AUTS2: variants seen among roughly 807,000 people sequenced by gnomAD.
AUTS2 encodes the protein activator of transcription and developmental regulator AUTS2, also known as autism susceptibility gene 2 protein.
A neutral mutation model predicts 112.4 loss-of-function variants in AUTS2; 17 were observed. The observed-to-expected ratio is 0.15, with a 90% CI of 0.10 to 0.23. The LOEUF is 0.23. Ranked by LOEUF, AUTS2 falls within the 10% of genes least tolerant of loss-of-function variation. AUTS2 has a pLI of 1.00. For missense variants in AUTS2, 1,510 were observed against 1,701.6 expected, an observed-to-expected ratio of 0.89 and a Z score of 1.98; for synonymous variants, 751 against 702.7, an observed-to-expected ratio of 1.07 and a Z score of -1.09.
rs967492299 is a variant in AUTS2, at chr7:69,792,795, A to T, written c.310-106491A>T. Reference sequence around the variant, plus strand: ...AAGTGTACATACATTACCAGGCTTCATCAACATGCCCTACTCAGAGACATT... The same window carrying T: ...AAGTGTACATACATTACCAGGCTTCTTCAACATGCCCTACTCAGAGACATT... On this transcript the variant is annotated intron_variant, in intron 1 of 18. Transcript: ENST00000342771. 2.0e-5 allele frequency among the ~76,000 whole-genome samples: 3 copies of T among 152,160 alleles called. No individual in the cohort carries two copies. The East Asian group carries it at 5.8e-4, about 29-fold the overall frequency.
chr7:70,243,592 A>G (rs1365473739), intron 4 of AUTS2, among the ~76,000 whole-genome samples: 1 of 152,142 alleles, frequency 6.6e-6, no homozygotes, highest in African/African-American at 2.4e-5. Flanking sequence ...CAATTGAAAG[A>G]AAGTGATGAG....
chr7:69,786,006 A>G (rs1646192793), intron 1 of AUTS2, among the ~76,000 whole-genome samples: 1 of 151,924 alleles, frequency 6.6e-6, no homozygotes, highest in South Asian at 2.1e-4. Flanking sequence ...AATTTTTTTT[A>G]TTTTTAGTAG....
chr7:69,768,619 C>A (rs1338962685), intron 1 of AUTS2, among the ~76,000 whole-genome samples: 1 of 151,994 alleles, frequency 6.6e-6, no homozygotes, highest in East Asian at 1.9e-4. Context: ...ATTCCTTGTA[C>A]AAAAGAACCA....
chr7:69,851,855 A>T (rs1250559805), intron 1 of AUTS2, among the ~76,000 whole-genome samples: 2 of 152,114 alleles, frequency 1.3e-5, no homozygotes, highest in Non-Finnish European at 2.9e-5. Context: ...TGCAGAGTTG[A>T]CTTCTAGGAG....
At chr7:70,616,645 A>G (rs1804382732) in intron 5 of AUTS2, among the ~76,000 whole-genome samples, 1 of 152,204 alleles carries the variant, frequency 6.6e-6, no homozygotes, top group Non-Finnish European at 1.5e-5. Context: ...TTGGCAAATG[A>G]AAAAGGGAAT....
At position 70,238,111 on chromosome 7, in the gene AUTS2, A is replaced by G. The variant is rs553386068; in HGVS notation, c.660+103540A>G. 5.3e-5 allele frequency among the ~76,000 whole-genome samples: 8 copies of G among 152,350 alleles called. No individual in the cohort carries two copies. The South Asian group carries it at 1.7e-3, about 32-fold the overall frequency. On this transcript the variant is annotated intron_variant, in intron 4 of 18. Transcript: ENST00000342771. ...AATTGAGCACAAGCCCCATCTGGTA[A>G]GAGTGATTAGAGGCCTGATGAGGGA...
At chr7:69,912,074 A>C (rs753677796) in intron 2 of AUTS2, among the ~76,000 whole-genome samples, 1 of 152,206 alleles carries the variant, frequency 6.6e-6, no homozygotes, top group Admixed American at 6.5e-5. Flanking sequence ...ATGGGTGCCC[A>C]AAATCTGGAG....
At chr7:69,615,529 C>T (rs942657148) in intron 1 of AUTS2, among the ~76,000 whole-genome samples, 2 of 152,144 alleles carry the variant, frequency 1.3e-5, no homozygotes, top group Non-Finnish European at 2.9e-5. Context: ...TCTCGAACTC[C>T]TGACCTCAGG....
At chr7:70,467,066 T>C (rs1416734553) in intron 5 of AUTS2, among the ~76,000 whole-genome samples, 2 of 152,254 alleles carry the variant, frequency 1.3e-5, no homozygotes, top group Non-Finnish European at 2.9e-5. Flanking sequence ...CCTAGGTTGG[T>C]TGTGGGAACT....
chr7:70,776,678 A>C (rs1790715892), intron 13 of AUTS2: 1 of 246,542 alleles, frequency 4.1e-6, no homozygotes, highest in African/African-American at 2.3e-5. Context: ...TCTTATTTTG[A>C]TTTGACTCAC....
In AUTS2 at chr7:69,872,147, G is replaced by A. The variant is rs184398840; in HGVS notation, c.310-27139G>A. Reference sequence around the variant, plus strand: ...AGCCCTTCTGAGTGCAGGGCCCTGAGCGATTGCACAGGTCACACACCCATG... The same window carrying A: ...AGCCCTTCTGAGTGCAGGGCCCTGAACGATTGCACAGGTCACACACCCATG... On this transcript the variant is annotated intron_variant, in intron 1 of 18. Transcript: ENST00000342771. Among the ~76,000 whole-genome samples, 63 of 152,330 alleles carry A rather than the reference G, an allele frequency of 4.1e-4. No individual in the cohort carries two copies. In the East Asian group the frequency reaches 0.012, roughly 28 times the overall value.
At chr7:70,658,413 G>A in intron 5 of AUTS2, among the ~76,000 whole-genome samples, 1 of 152,234 alleles carries the variant, frequency 6.6e-6, no homozygotes, top group Non-Finnish European at 1.5e-5. Flanking sequence ...TCAAAGCCCT[G>A]CTGCCACCTA....
chr7:70,257,547 A>G (rs955749859), intron 4 of AUTS2, among the ~76,000 whole-genome samples: 1 of 151,446 alleles, frequency 6.6e-6, no homozygotes, highest in Non-Finnish European at 1.5e-5. Flanking sequence ...TGAACTCCTG[A>G]CCTCAAGTGA....
At chr7:70,587,731 G>C (rs765070176) in intron 5 of AUTS2, among the ~76,000 whole-genome samples, 25 of 152,316 alleles carry the variant, frequency 1.6e-4, no homozygotes, top group Non-Finnish European at 2.6e-4. Flanking sequence ...ATTTTTGTAG[G>C]TCAAAAACAG....
intron 2 of AUTS2, among the ~76,000 whole-genome samples, chr7:69,904,013 G>A (rs1795064325): frequency 6.6e-6 from 1 of 152,192 alleles, no homozygotes; most frequent in African/African-American, 2.4e-5. Context: ...AGGAAGAAGA[G>A]GAATCCATCC....
At chr7:69,611,336 G>A (rs528007113) in intron 1 of AUTS2, among the ~76,000 whole-genome samples, 85 of 152,224 alleles carry the variant, frequency 5.6e-4, no homozygotes, top group African/African-American at 2.0e-3. Flanking sequence ...AATTGCAGGT[G>A]AGATGCAGGG....
At chr7:70,762,769 T>C in intron 6 of AUTS2, 101 bp from the exon 7 acceptor site, 1 of 885,842 alleles carries the variant, frequency 1.1e-6, no homozygotes. Context: ...TGCCAGGTCC[T>C]GTTGCTGGAG....
chr7:70,121,093 G>A (rs1228073363), intron 3 of AUTS2, among the ~76,000 whole-genome samples: 2 of 152,100 alleles, frequency 1.3e-5, no homozygotes, highest in East Asian at 3.8e-4. Context: ...ACACTTCAAT[G>A]GGGAAAGAAT....
intron 4 of AUTS2, among the ~76,000 whole-genome samples, chr7:70,185,257 CTTTTTTTTTTTTTT>C (rs35215443): frequency 4.6e-5 from 4 of 87,118 alleles, no homozygotes; most frequent in African/African-American, 9.1e-5. Context: ...TGACATTAAA[CTTTTTTTTTTTTTT>C]TTTTTTTTTT....
Sources: gnomAD v4.1 joint callset for allele counts (sites outside exome capture counted in the v4.1 genomes callset) on GRCh38, gnomAD v4.1.1 for gene constraint, MANE v1.5 for transcripts, NCBI Gene and HGNC (gene_info 2026-07-23, HGNC 2026-07-21) for gene names.